CNTN3: variants seen among roughly 807,000 people sequenced by gnomAD.
CNTN3 encodes the protein contactin-3.
CNTN3 carries 60 observed loss-of-function variants against 119.1 expected under a neutral mutation model. The observed-to-expected ratio is 0.50, with a 90% CI of 0.41 to 0.62. The LOEUF is 0.62. CNTN3 is among the 20% of genes least tolerant of loss of function. The probability of loss-of-function intolerance (pLI) is 0.00; values close to 1 mark genes in which losing one functional copy is unlikely to be tolerated. For synonymous variants in CNTN3, 450 were observed against 438.7 expected, an observed-to-expected ratio of 1.03 and a Z score of -0.32; for missense variants, 1,101 against 1,242.4, an observed-to-expected ratio of 0.89 and a Z score of 1.71.
chr3:74,588,611 C>T (rs1050808634), intron 1 of CNTN3, among the ~76,000 whole-genome samples: 1 of 151,580 alleles, frequency 6.6e-6, no homozygotes, highest in African/African-American at 2.4e-5. Context: ...ACTACTTTAA[C>T]GTTCCTATGG....
chr3:74,504,813 G>T (rs906798059), intron 2 of CNTN3, among the ~76,000 whole-genome samples: 6 of 152,056 alleles, frequency 3.9e-5, no homozygotes, highest in Non-Finnish European at 7.4e-5. Context: ...GGTAGCCAGG[G>T]GAGATTGGCT....
chr3:74,532,576 G>T (rs755693904), intron 1 of CNTN3, among the ~76,000 whole-genome samples: 1 of 151,974 alleles, frequency 6.6e-6, no homozygotes, highest in Non-Finnish European at 1.5e-5. Flanking sequence ...CTTGATCATT[G>T]AGATGACTCC....
intron 5 of CNTN3, among the ~76,000 whole-genome samples, chr3:74,397,551 C>T (rs941066353): frequency 4.0e-5 from 6 of 151,414 alleles, no homozygotes; most frequent in Non-Finnish European, 5.9e-5. Context: ...ATTGGGCCTC[C>T]CTATTCCCTG....
chr3:74,455,242 T>C (rs927345952), intron 4 of CNTN3, among the ~76,000 whole-genome samples: 3 of 152,110 alleles, frequency 2.0e-5, no homozygotes, highest in Admixed American at 2.0e-4. Flanking sequence ...TCTCGCTTCA[T>C]TTCATTCATT....
intron 11 of CNTN3, among the ~76,000 whole-genome samples, chr3:74,350,828 TAAA>T (rs141102163): frequency 1.4e-5 from 2 of 145,278 alleles, no homozygotes; most frequent in African/African-American, 5.0e-5. Context: ...AAACACAAAA[TAAA>T]AAAAAAAGCA....
At chr3:74,340,046 T>C (rs1227545235) in intron 11 of CNTN3, among the ~76,000 whole-genome samples, 1 of 151,910 alleles carries the variant, frequency 6.6e-6, no homozygotes, top group Admixed American at 6.6e-5. Flanking sequence ...AATACAGCAA[T>C]AAAAAAGTAC....
intron 22 of CNTN3, 26 bp downstream of exon 22, chr3:74,266,455 G>C: frequency 1.2e-6 from 2 of 1,607,296 alleles, no homozygotes; most frequent in Non-Finnish European, 1.7e-6. Context: ...TGTCAATAAA[G>C]TAAATAATGG....
intron 5 of CNTN3, among the ~76,000 whole-genome samples, chr3:74,420,756 G>T (rs1701603759): frequency 6.6e-6 from 1 of 152,144 alleles, no homozygotes; most frequent in East Asian, 1.9e-4. Flanking sequence ...AAAGAGCCCT[G>T]GTCATGAGTC....
rs1262706858 is a variant in CNTN3, at chr3:74,329,194, T to C, written c.1668+5541A>G. 2.6e-5 allele frequency among the ~76,000 whole-genome samples: 4 copies of C among 152,080 alleles called. No homozygotes were observed. In the East Asian group the frequency reaches 7.7e-4, roughly 29 times the overall value. On this transcript the variant is annotated intron_variant, in intron 13 of 22. Transcript: ENST00000263665. The stretch of plus-strand genomic sequence containing the variant: ...TTTTCTACCACTGAGAGCTGAAAAA[T>C]ACATCAAATCTCAAGCTCATGTGTA...
At chr3:74,429,086 T>A (rs1701742721) in intron 4 of CNTN3, among the ~76,000 whole-genome samples, 1 of 152,168 alleles carries the variant, frequency 6.6e-6, no homozygotes, top group South Asian at 2.1e-4. Context: ...TCAGAACATA[T>A]CCCTGTCATT....
chr3:74,613,171 T>G (rs1038266127), intron 1 of CNTN3, among the ~76,000 whole-genome samples: 3 of 152,230 alleles, frequency 2.0e-5, no homozygotes, highest in African/African-American at 7.2e-5. Flanking sequence ...GATTAATTCC[T>G]GTTTTTAATC....
At position 74,264,505 on chromosome 3, in the gene CNTN3, T is replaced by G; in HGVS notation, c.2987-4A>C. 1.9e-6 allele frequency: 3 copies of G among 1,592,384 alleles called. No homozygotes were observed. Among genetic ancestry groups the G allele is most frequent in the Non-Finnish European group, 2.6e-6 (3 of 1,162,252 alleles). On this transcript the variant is annotated splice_region_variant and splice_polypyrimidine_tract_variant and intron_variant, in intron 22 of 22. Transcript: ENST00000263665. ...GTGGATCCTCTTGCATCCATACCTGTCAAAGTTGATGAAGAGCTCATTAAT... is the reference window on the plus strand; with the variant it reads ...GTGGATCCTCTTGCATCCATACCTGGCAAAGTTGATGAAGAGCTCATTAAT...
Position 74,419,931 on chromosome 3 carries a change from T to C in CNTN3, c.454+4914A>G, listed in dbSNP as rs140108226. Among the ~76,000 whole-genome samples, 103 of 152,338 alleles carry C rather than the reference T, an allele frequency of 6.8e-4. 3 individuals carry two copies. In the East Asian group the frequency reaches 0.019, roughly 28 times the overall value. ...TTGTGTGGTGATATCAGCAAGTGAA[T>C]GGTAATTAACACGAACTCCCAGCTT... On this transcript the variant is annotated intron_variant, in intron 5 of 22. Transcript: ENST00000263665.
chr3:74,607,435 A>C (rs1705011238), intron 1 of CNTN3, among the ~76,000 whole-genome samples: 1 of 152,216 alleles, frequency 6.6e-6, no homozygotes, highest in Non-Finnish European at 1.5e-5. Context: ...TGCAAGAAAT[A>C]AAATGAACTG....
At chr3:74,424,273 G>T (rs1191377372) in intron 5 of CNTN3, among the ~76,000 whole-genome samples, 1 of 151,764 alleles carries the variant, frequency 6.6e-6, no homozygotes, top group South Asian at 2.1e-4. Context: ...TCACTATCTT[G>T]GTAAGGTTCT....
chr3:74,576,492 A>C (rs1313416536), intron 1 of CNTN3, among the ~76,000 whole-genome samples: 1 of 152,206 alleles, frequency 6.6e-6, no homozygotes, highest in Non-Finnish European at 1.5e-5. Flanking sequence ...TAACCTGGAC[A>C]CAAGCAAGGA....
intron 4 of CNTN3, among the ~76,000 whole-genome samples, chr3:74,428,043 C>G (rs1404374220): frequency 1.3e-5 from 2 of 152,064 alleles, no homozygotes; most frequent in East Asian, 1.9e-4. Flanking sequence ...ATATTTACAA[C>G]AGTGATATCA....
At chr3:74,594,061 C>T (rs1704748210) in intron 1 of CNTN3, among the ~76,000 whole-genome samples, 1 of 151,794 alleles carries the variant, frequency 6.6e-6, no homozygotes, top group Non-Finnish European at 1.5e-5. Context: ...ATTCTCCTAG[C>T]TACATACCCA....
At chr3:74,398,543 T>C (rs1281261066) in intron 5 of CNTN3, among the ~76,000 whole-genome samples, 3 of 152,270 alleles carry the variant, frequency 2.0e-5, no homozygotes, top group African/African-American at 7.2e-5. Context: ...TTTGTTGCCA[T>C]ATTTGCTTTA....
Sources: allele counts gnomAD v4.1 joint callset (sites outside exome capture counted in the v4.1 genomes callset), GRCh38; gene constraint gnomAD v4.1.1; transcripts MANE v1.5; gene names NCBI Gene and HGNC (gene_info 2026-07-23, HGNC 2026-07-21).